PCDH9: variants seen among roughly 807,000 people sequenced by gnomAD.
PCDH9 encodes the protein protocadherin-9.
Under a neutral mutation model 70.6 loss-of-function variants are expected in PCDH9, and 24 were observed. That is an observed-to-expected ratio of 0.34 (90% confidence interval 0.25 to 0.48). PCDH9 has a LOEUF of 0.48. PCDH9 is among the 20% of genes least tolerant of loss of function. PCDH9 has a pLI of 0.99. For synonymous variants in PCDH9, 562 were observed against 558.5 expected (o/e 1.01, Z -0.09); for missense variants, 1,281 against 1,503.6 (o/e 0.85, Z 2.45).
intron 2 of PCDH9, among the ~76,000 whole-genome samples, chr13:67,050,258 A>C (rs2085296764): frequency 2.0e-5 from 3 of 152,170 alleles, no homozygotes; most frequent in African/African-American, 7.2e-5. Flanking sequence ...TAAGCACTTC[A>C]TTGCTTTTTT....
At chr13:67,090,804 T>C (rs529205439) in intron 2 of PCDH9, among the ~76,000 whole-genome samples, 64 of 152,212 alleles carry the variant, frequency 4.2e-4, no homozygotes, top group African/African-American at 1.5e-3. Flanking sequence ...TTTAAACTTA[T>C]GTAAATAATC....
rs180944769 is a variant in PCDH9, at chr13:66,754,579, T to G, written c.3139-123168A>C. ...AGAAAATACATCAGGATATACCTAA[T>G]CTATAGACGCTATAGGAATTCTGAA... On this transcript the variant is annotated intron_variant, in intron 3 of 4. Transcript: ENST00000377865. Among the ~76,000 whole-genome samples the G allele has an allele frequency of 6.2e-3, 948 of 152,238 alleles. 43 individuals carry two copies. The highest frequency in any genetic ancestry group is 0.058 in the Admixed American group (884 of 15,294).
At chr13:66,505,254 A>G (rs1959199180) in intron 4 of PCDH9, among the ~76,000 whole-genome samples, 1 of 152,172 alleles carries the variant, frequency 6.6e-6, no homozygotes, top group Admixed American at 6.5e-5. Context: ...GAGACTGGGT[A>G]TTTATAAAAA....
chr13:66,383,946 T>C (rs1031748084), intron 4 of PCDH9, among the ~76,000 whole-genome samples: 43 of 152,156 alleles, frequency 2.8e-4, no homozygotes, highest in African/African-American at 9.7e-4. Context: ...AATATGTTTG[T>C]TTCTGAGGAC....
chr13:67,088,509 G>A (rs768605673), intron 2 of PCDH9, among the ~76,000 whole-genome samples: 43 of 151,926 alleles, frequency 2.8e-4, no homozygotes, highest in African/African-American at 8.7e-4. Flanking sequence ...ACCAAAAGTC[G>A]TAAGAAAATC....
chr13:66,495,172 A>C (rs1212679098), intron 4 of PCDH9, among the ~76,000 whole-genome samples: 1 of 152,176 alleles, frequency 6.6e-6, no homozygotes, highest in Non-Finnish European at 1.5e-5. Flanking sequence ...ATTAAAAGTA[A>C]GTACAAAAAG....
intron 3 of PCDH9, among the ~76,000 whole-genome samples, chr13:66,856,441 A>G (rs1566244441): frequency 6.6e-6 from 1 of 152,120 alleles, no homozygotes; most frequent in Non-Finnish European, 1.5e-5. Flanking sequence ...GTTATCAACC[A>G]CAATAAATAA....
At chr13:66,936,949 A>T (rs1263482311) in intron 2 of PCDH9, among the ~76,000 whole-genome samples, 1 of 152,224 alleles carries the variant, frequency 6.6e-6, no homozygotes, top group African/African-American at 2.4e-5. Flanking sequence ...CTACTTCATA[A>T]AACTGCGTGG....
At chr13:66,726,844 AC>A (rs1305270762) in intron 3 of PCDH9, among the ~76,000 whole-genome samples, 3 of 152,204 alleles carry the variant, frequency 2.0e-5, no homozygotes, top group Admixed American at 6.5e-5. Flanking sequence ...GCTTTGAAAG[AC>A]TGCTGATTAT....
At chr13:66,733,252 T>A (rs1566155829) in intron 3 of PCDH9, among the ~76,000 whole-genome samples, 1 of 152,130 alleles carries the variant, frequency 6.6e-6, no homozygotes. Flanking sequence ...TCTCAAAATG[T>A]CCCTTTAACC....
intron 3 of PCDH9, among the ~76,000 whole-genome samples, chr13:66,711,675 T>C (rs1165447777): frequency 6.6e-6 from 1 of 152,312 alleles, no homozygotes; most frequent in East Asian, 1.9e-4. Context: ...TTAGAGTTAA[T>C]GTTACTTTCG....
chr13:66,881,481 A>G (rs2081920728), intron 3 of PCDH9, among the ~76,000 whole-genome samples: 1 of 152,170 alleles, frequency 6.6e-6, no homozygotes, highest in Non-Finnish European at 1.5e-5. Context: ...ACTCACCCTC[A>G]TAATTCAATA....
intron 2 of PCDH9, among the ~76,000 whole-genome samples, chr13:66,908,736 T>A (rs2082406247): frequency 6.7e-6 from 1 of 149,826 alleles, no homozygotes; most frequent in Non-Finnish European, 1.5e-5. Flanking sequence ...TTTTCTTTAA[T>A]GTTTTCTATG....
intron 4 of PCDH9, among the ~76,000 whole-genome samples, chr13:66,332,666 G>A (rs1955964414): frequency 6.6e-6 from 1 of 151,946 alleles, no homozygotes. Context: ...AGGAGGGGTG[G>A]TCACAGAAAG....
intron 2 of PCDH9, chr13:67,204,390 C>T (rs2089289033): frequency 1.3e-5 from 2 of 152,130 alleles, no homozygotes; most frequent in Admixed American, 6.6e-5. Context: ...GCCCATTTGC[C>T]TTGTCTACTA....
At chr13:66,981,565 C>T (rs1311862490) in intron 2 of PCDH9, among the ~76,000 whole-genome samples, 1 of 151,528 alleles carries the variant, frequency 6.6e-6, no homozygotes, top group Non-Finnish European at 1.5e-5. Context: ...TCAATTTAAA[C>T]TTATTGAATT....
chr13:66,883,898 ATTT>A (rs539703609), intron 3 of PCDH9, among the ~76,000 whole-genome samples: 5 of 108,160 alleles, frequency 4.6e-5, no homozygotes, highest in African/African-American at 1.2e-4. Context: ...TTGAGCGTTC[ATTT>A]TTTTTTTTTT....
chr13:67,129,189 A>G (rs959292984), intron 2 of PCDH9, among the ~76,000 whole-genome samples: 3 of 152,160 alleles, frequency 2.0e-5, no homozygotes, highest in Non-Finnish European at 4.4e-5. Context: ...AAGGTATATC[A>G]TAGCTAATGA....
chr13:66,773,372 T>TA (rs1272020636), intron 3 of PCDH9, among the ~76,000 whole-genome samples: 1 of 152,136 alleles, frequency 6.6e-6, no homozygotes, highest in Non-Finnish European at 1.5e-5. Flanking sequence ...CTCACGCCTG[T>TA]AATCCCAGTA....
Sources: gnomAD v4.1 joint callset for allele counts (sites outside exome capture counted in the v4.1 genomes callset) on GRCh38, gnomAD v4.1.1 for gene constraint, MANE v1.5 for transcripts, NCBI Gene and HGNC (gene_info 2026-07-23, HGNC 2026-07-21) for gene names.